Variants in PUM1 observed in about 807,000 individuals in gnomAD.
The protein encoded by PUM1 is pumilio homolog 1.
A neutral mutation model predicts 131.8 loss-of-function variants in PUM1; 13 were observed. The ratio of observed to expected loss-of-function variants is 0.10; its 90% confidence interval spans 0.06 to 0.16. The LOEUF (loss-of-function observed/expected upper bound fraction) is 0.16, where lower values mean the gene tolerates loss of function less well. Ranked by LOEUF, PUM1 falls within the 10% of genes least tolerant of loss-of-function variation. The pLI is 1.00. For synonymous variants in PUM1, 509 were observed against 556.5 expected (o/e 0.91, Z 1.20); for missense variants, 961 against 1,512.4 (o/e 0.64, Z 6.05).
chr1:30,999,640 A>G (rs1263070893), intron 5 of PUM1, among the ~76,000 whole-genome samples: 1 of 125,396 alleles, frequency 8.0e-6, no homozygotes, highest in Non-Finnish European at 1.7e-5. Flanking sequence ...AAAAAAAAAA[A>G]AAAGGTGCTG....
At chr1:30,950,700 A>G (rs950347251) in intron 16 of PUM1, among the ~76,000 whole-genome samples, 3 of 152,204 alleles carry the variant, frequency 2.0e-5, no homozygotes, top group Non-Finnish European at 4.4e-5. Flanking sequence ...CCTCTACTAA[A>G]AACACAAAAA....
chr1:31,006,930 A>G, intron 4 of PUM1, 64 bp downstream of exon 4: 1 of 1,284,400 alleles, frequency 7.8e-7, no homozygotes, highest in Non-Finnish European at 1.1e-6. Flanking sequence ...TGACTTGCCA[A>G]TTGCTGAGGA....
intron 14 of PUM1, among the ~76,000 whole-genome samples, chr1:30,958,192 T>C (rs1640250742): frequency 6.6e-6 from 1 of 152,194 alleles, no homozygotes. Flanking sequence ...AAAAGGCGTA[T>C]AAAACCCTGA....
chr1:31,059,482 G>T lies in PUM1; in HGVS notation c.85C>A (p.Pro29Thr). The change falls in exon 2 of 22, where the codon CCA becomes ACA. Residue 29 changes from proline to threonine, a missense_variant. By Grantham distance (38) the Pro-to-Thr change is conservative. Coordinates refer to ENST00000426105, the MANE Select transcript of PUM1 (RefSeq NM_001020658.2). ...ACAACAGGCATGTTGGGATTAGCTG[G>T]TTCTTGAGGGTGATGTTTCAGGTGG... is the stretch of plus-strand genomic sequence containing the variant. Reference protein sequence around the residue: ...SPHLKHHPQEPANPNMPVVLT... With the variant: ...SPHLKHHPQETANPNMPVVLT... The T allele has an allele frequency of 6.2e-7, 1 of 1,614,220 alleles. No individual in the cohort carries two copies. The highest frequency in any genetic ancestry group is 8.5e-7 in the Non-Finnish European group (1 of 1,180,036).
intron 5 of PUM1, among the ~76,000 whole-genome samples, chr1:31,003,849 G>A (rs947726463): frequency 2.0e-5 from 3 of 152,152 alleles, no homozygotes; most frequent in African/African-American, 7.2e-5. Flanking sequence ...GATGTCACTA[G>A]ATCAGTCCTC....
intron 6 of PUM1, among the ~76,000 whole-genome samples, 191 bp from the exon 7 acceptor site, chr1:30,992,851 G>A (rs1158804717): frequency 6.6e-6 from 1 of 152,082 alleles, no homozygotes; most frequent in East Asian, 1.9e-4. Flanking sequence ...TCTATTGCCG[G>A]CAATTCCATA....
chr1:31,065,493 C>G, intron 1 of PUM1, 123 bp downstream of exon 1: 2 of 1,206,408 alleles, frequency 1.7e-6, no homozygotes, highest in Non-Finnish European at 2.2e-6. Context: ...CAGCCAGGGC[C>G]CCGGCGGCTT....
intron 3 of PUM1, among the ~76,000 whole-genome samples, chr1:31,021,848 G>T (rs1034499100): frequency 1.3e-5 from 2 of 151,960 alleles, no homozygotes; most frequent in Non-Finnish European, 2.9e-5. Flanking sequence ...TGAATATGCA[G>T]AAACCAACCA....
intron 5 of PUM1, among the ~76,000 whole-genome samples, chr1:30,995,528 C>T (rs539497571): frequency 6.6e-6 from 1 of 150,882 alleles, no homozygotes; most frequent in African/African-American, 2.5e-5. Context: ...TACCCAAAGC[C>T]CAGCCATAAC....
At chr1:30,998,723 AT>A (rs1299783367) in intron 5 of PUM1, among the ~76,000 whole-genome samples, 1 of 152,214 alleles carries the variant, frequency 6.6e-6, no homozygotes, top group Non-Finnish European at 1.5e-5. Flanking sequence ...GAAGTTTGAG[AT>A]TCCTATGGGG....
At chr1:31,016,826 A>T (rs1036608412) in intron 3 of PUM1, among the ~76,000 whole-genome samples, 13 of 152,164 alleles carry the variant, frequency 8.5e-5, no homozygotes, top group African/African-American at 2.9e-4. Context: ...TACTGCTTTT[A>T]AAAAAAGCAA....
intron 2 of PUM1, among the ~76,000 whole-genome samples, chr1:31,053,226 G>A (rs1199119763): frequency 6.7e-6 from 1 of 148,910 alleles, no homozygotes; most frequent in Non-Finnish European, 1.5e-5. Flanking sequence ...GGTCTCAAAC[G>A]CCTGACCTCG....
intron 7 of PUM1, among the ~76,000 whole-genome samples, chr1:30,991,582 G>A (rs1486049804): frequency 6.6e-6 from 1 of 152,066 alleles, no homozygotes; most frequent in African/African-American, 2.4e-5. Flanking sequence ...CTGCATTAAC[G>A]ATCTATTACA....
intron 7 of PUM1, among the ~76,000 whole-genome samples, chr1:30,986,954 C>A (rs918024169): frequency 2.0e-5 from 3 of 152,156 alleles, no homozygotes. Flanking sequence ...TGACTGTGGT[C>A]GTGCAGGAAT....
chr1:30,978,634 G>T (rs1267680086), intron 9 of PUM1, among the ~76,000 whole-genome samples: 1 of 152,216 alleles, frequency 6.6e-6, no homozygotes, highest in Non-Finnish European at 1.5e-5. Context: ...ACTTGACTTG[G>T]AGGGATCTTC....
chr1:30,939,979 C>CTCGG (rs1639375936), intron 20 of PUM1, among the ~76,000 whole-genome samples: 1 of 152,030 alleles, frequency 6.6e-6, no homozygotes, highest in Non-Finnish European at 1.5e-5. Context: ...AGGAGACTGA[C>CTCGG]CCGAAGAAGA....
intron 14 of PUM1, among the ~76,000 whole-genome samples, chr1:30,964,016 ATTTTC>A (rs759996811): frequency 1.3e-5 from 2 of 151,910 alleles, no homozygotes; most frequent in Non-Finnish European, 2.9e-5. Flanking sequence ...AGGTAATATA[ATTTTC>A]TTTTCATTCT....
Position 30,946,862 on chromosome 1 carries a change from TAAC to T in PUM1, c.2857-1382_2857-1380del, listed in dbSNP as rs776823375. Among the ~76,000 whole-genome samples the T allele has an allele frequency of 9.2e-5, 14 of 151,984 alleles. No individual in the cohort carries two copies. The East Asian group carries it at 2.1e-3, about 23-fold the overall frequency. ...AGTTTGAGGCTGCAGTGAGCTACGGTAACACCACCAGAAGCCTGGGTGACAGAG... is the reference window on the plus strand; with the variant it reads ...AGTTTGAGGCTGCAGTGAGCTACGGTACCACCAGAAGCCTGGGTGACAGAG... On this transcript the variant is annotated intron_variant, in intron 17 of 21. Transcript: ENST00000426105.
At chr1:30,957,983 T>C (rs1004380590) in intron 14 of PUM1, among the ~76,000 whole-genome samples, 1 of 152,248 alleles carries the variant, frequency 6.6e-6, no homozygotes, top group African/African-American at 2.4e-5. Context: ...TGTCACATGG[T>C]TGGTTTTACA....
Sources: allele counts gnomAD v4.1 joint callset (sites outside exome capture counted in the v4.1 genomes callset), GRCh38; gene constraint gnomAD v4.1.1; transcripts MANE v1.5; gene names NCBI Gene and HGNC (gene_info 2026-07-23, HGNC 2026-07-21).